Variants in ATF7 observed in about 807,000 individuals in gnomAD.
ATF7 encodes activating transcription factor 7, also known as cyclic AMP-dependent transcription factor ATF-7.
In ATF7, 10 loss-of-function variants were observed where a neutral mutation model predicts 50.4. The observed-to-expected ratio is 0.20, with a 90% confidence interval of 0.12 to 0.34. The LOEUF is 0.34. ATF7 is among the 10% of genes least tolerant of loss of function. The pLI is 1.00. For synonymous variants in ATF7, 201 were observed against 226.4 expected, an observed-to-expected ratio of 0.89 and a Z score of 1.01; for missense variants, 465 against 613.9, an observed-to-expected ratio of 0.76 and a Z score of 2.56.
intron 2 of ATF7, among the ~76,000 whole-genome samples, chr12:53,553,224 G>A (rs754105422): frequency 1.3e-5 from 2 of 152,218 alleles, no homozygotes; most frequent in Non-Finnish European, 2.9e-5. Flanking sequence ...AGAGGACCAA[G>A]GCGCAATGGC....
intron 2 of ATF7, among the ~76,000 whole-genome samples, chr12:53,568,273 A>G (rs529040378): frequency 8.5e-5 from 13 of 152,192 alleles, no homozygotes; most frequent in Non-Finnish European, 1.3e-4. Context: ...TGTAACAGTC[A>G]AGCCAAAAGA....
intron 1 of ATF7, among the ~76,000 whole-genome samples, chr12:53,608,806 C>T (rs892036058): frequency 3.3e-5 from 5 of 152,136 alleles, no homozygotes; most frequent in South Asian, 2.1e-4. Flanking sequence ...AGTACAAATA[C>T]GAGATCTTCG....
chr12:53,530,063 A>T (rs1938774267), intron 9 of ATF7, among the ~76,000 whole-genome samples: 2 of 152,130 alleles, frequency 1.3e-5, no homozygotes, highest in Non-Finnish European at 2.9e-5. Context: ...CAAATTTTAA[A>T]AATAAACAAA....
At chr12:53,619,486 C>CAAA (rs112474373) in intron 1 of ATF7, among the ~76,000 whole-genome samples, 108 of 64,026 alleles carry the variant, frequency 1.7e-3, no homozygotes, top group African/African-American at 5.8e-3. Flanking sequence ...GACTCCGTGT[C>CAAA]AAAAAAAAAA....
chr12:53,526,931 G>C (rs912348717), intron 9 of ATF7, among the ~76,000 whole-genome samples: 3 of 151,732 alleles, frequency 2.0e-5, no homozygotes. Flanking sequence ...GGCCAAGGCG[G>C]GTGGATCACC....
At chr12:53,587,683 A>G (rs1942755649) in intron 2 of ATF7, among the ~76,000 whole-genome samples, 1 of 150,668 alleles carries the variant, frequency 6.6e-6, no homozygotes, top group African/African-American at 2.4e-5. Context: ...AAAAAAAAAA[A>G]AGGAAAATGG....
intron 2 of ATF7, among the ~76,000 whole-genome samples, chr12:53,566,392 A>G (rs538270126): frequency 6.6e-6 from 1 of 152,298 alleles, no homozygotes; most frequent in South Asian, 2.1e-4. Context: ...CTCACTATAA[A>G]GGCTGAAAAG....
intron 1 of ATF7, among the ~76,000 whole-genome samples, chr12:53,619,928 T>C (rs1944308257): frequency 6.6e-6 from 1 of 151,934 alleles, no homozygotes; most frequent in Admixed American, 6.6e-5. Context: ...GGAGGACTGT[T>C]TGAGCCCAGC....
intron 2 of ATF7, among the ~76,000 whole-genome samples, chr12:53,554,559 G>GT (rs1177580018): frequency 6.6e-6 from 1 of 151,860 alleles, no homozygotes; most frequent in Non-Finnish European, 1.5e-5. Flanking sequence ...CTGTACTCCA[G>GT]TGAGACCCTT....
In ATF7 at chr12:53,514,314, C is replaced by G. The variant is rs1426221975; in HGVS notation, c.*2823G>C. 1.3e-5 allele frequency: 2 copies of G among 152,140 alleles called. No individual in the cohort carries two copies. Among genetic ancestry groups the G allele is most frequent in the African/African-American group, 4.8e-5 (2 of 41,414 alleles). The allele number at this position is 152,140 out of a possible 1,614,324, so 9.4% of individuals were successfully genotyped here. A position where few individuals can be genotyped will look rare whatever the true frequency, so the allele number is the denominator to read the frequency against. ...CACATGAACGAATTCAGGACACCCACCATACACTCAGCTCCTTTCTGAAAG... is the reference window on the plus strand; with the variant it reads ...CACATGAACGAATTCAGGACACCCAGCATACACTCAGCTCCTTTCTGAAAG... On this transcript the variant is annotated 3_prime_UTR_variant, in exon 12 of 12. Coordinates refer to ENST00000420353, the MANE Select transcript of ATF7 (RefSeq NM_006856.3).
At chr12:53,529,060 C>T (rs1054795086) in intron 9 of ATF7, among the ~76,000 whole-genome samples, 4 of 151,880 alleles carry the variant, frequency 2.6e-5, no homozygotes, top group Non-Finnish European at 4.4e-5. Context: ...GGCAACATGG[C>T]GAGTCTCCAT....
At chr12:53,603,556 T>C (rs1322925116) in intron 1 of ATF7, among the ~76,000 whole-genome samples, 1 of 152,176 alleles carries the variant, frequency 6.6e-6, no homozygotes, top group East Asian at 1.9e-4. Flanking sequence ...GAGATCACAA[T>C]GAGAGGAAGA....
rs150225308 is a variant in ATF7, at chr12:53,556,074, C to T, written c.49-3437G>A. Among the ~76,000 whole-genome samples the T allele has an allele frequency of 3.0e-3, 450 of 152,218 alleles. 3 individuals are homozygous for T. Among genetic ancestry groups the T allele is most frequent in the African/African-American group, 0.01 (431 of 41,510 alleles). On this transcript the variant is annotated intron_variant, in intron 2 of 11. Transcript: ENST00000420353. ...CAGGTGATCCACCCACCTCGACCTC[C>T]CAAAATGCTGGAATTACAGGTGTGA...
At chr12:53,525,305 A>T (rs567790189) in intron 9 of ATF7, among the ~76,000 whole-genome samples, 2 of 152,180 alleles carry the variant, frequency 1.3e-5, no homozygotes, top group African/African-American at 4.8e-5. Flanking sequence ...GTGAGCTGAG[A>T]TCATGCCATT....
rs1455265890 is a variant in ATF7 at position 53,587,841 on chromosome 12, A to ATTT, written c.48+13111_48+13112insAAA. ...TCTACATATATATATATATATATATATATTTTTTTTTTTTTTTCTTTTTGA... is the reference window on the plus strand; with the variant it reads ...TCTACATATATATATATATATATATATTTTATTTTTTTTTTTTTTTCTTTTTGA... On this transcript the variant is annotated intron_variant, in intron 2 of 11. Coordinates refer to ENST00000420353, the MANE Select transcript of ATF7 (RefSeq NM_006856.3). Among the ~76,000 whole-genome samples, 30 of 46,402 alleles carry ATTT rather than the reference A, an allele frequency of 6.5e-4. No homozygotes were observed. The East Asian group carries it at 0.013, about 20-fold the overall frequency. 30.4% of individuals were successfully genotyped at this position (46,402 alleles called of 152,430 possible). A position where few individuals can be genotyped will look rare whatever the true frequency, so the allele number is the denominator to read the frequency against.
intron 9 of ATF7, among the ~76,000 whole-genome samples, chr12:53,528,391 G>A (rs989820381): frequency 2.0e-5 from 3 of 152,148 alleles, no homozygotes; most frequent in Non-Finnish European, 2.9e-5. Flanking sequence ...ACTTTGGGAG[G>A]CCAAGGCGGG....
At chr12:53,610,113 G>T (rs148705267) in intron 1 of ATF7, among the ~76,000 whole-genome samples, 4 of 151,744 alleles carry the variant, frequency 2.6e-5, no homozygotes, top group Non-Finnish European at 5.9e-5. Flanking sequence ...CACCGTGCCC[G>T]GATTTTAGCC....
intron 2 of ATF7, among the ~76,000 whole-genome samples, chr12:53,570,018 G>A (rs1222717986): frequency 6.6e-6 from 1 of 152,138 alleles, no homozygotes; most frequent in African/African-American, 2.4e-5. Context: ...AGAGGCTTAT[G>A]AAGGTCTGAT....
At chr12:53,534,937 T>C (rs1271325490) in intron 5 of ATF7, among the ~76,000 whole-genome samples, 2 of 152,158 alleles carry the variant, frequency 1.3e-5, no homozygotes, top group Non-Finnish European at 2.9e-5. Context: ...AGCAGCACTG[T>C]AGTACCATAT....
Sources: gnomAD v4.1 joint callset for allele counts (sites outside exome capture counted in the v4.1 genomes callset) on GRCh38, gnomAD v4.1.1 for gene constraint, MANE v1.5 for transcripts, NCBI Gene and HGNC (gene_info 2026-07-23, HGNC 2026-07-21) for gene names.